Variants in THSD7B observed in about 807,000 individuals in gnomAD.
The protein encoded by THSD7B is thrombospondin type 1 domain containing 7B.
In THSD7B, 138 loss-of-function variants were observed where a neutral mutation model predicts 213.6. The observed-to-expected ratio is 0.65, with a 90% CI of 0.56 to 0.74. The LOEUF is 0.74. Ranked by LOEUF, THSD7B falls within the 30% of genes least tolerant of loss-of-function variation. The pLI is 0.00. For missense variants in THSD7B, 1,931 were observed against 1,991.5 expected (o/e 0.97, Z 0.58); for synonymous variants, 742 against 687.0 (o/e 1.08, Z -1.25).
chr2:137,136,582 G>A (rs1044501138), intron 5 of THSD7B, among the ~76,000 whole-genome samples: 6 of 152,188 alleles, frequency 3.9e-5, no homozygotes, highest in African/African-American at 4.8e-5. Context: ...TATGAAAGGC[G>A]TAAAGTTAAG....
At chr2:137,213,567 T>G (rs1243891335) in intron 7 of THSD7B, among the ~76,000 whole-genome samples, 1 of 150,606 alleles carries the variant, frequency 6.6e-6, no homozygotes, top group Non-Finnish European at 1.5e-5. Context: ...ATGTGGATAA[T>G]CATATATAAT....
intron 1 of THSD7B, among the ~76,000 whole-genome samples, chr2:136,838,591 T>C (rs535429933): frequency 1.2e-4 from 19 of 152,302 alleles, no homozygotes; most frequent in East Asian, 1.9e-4. Context: ...TTTTCGCTTT[T>C]ACATATTCAG....
chr2:136,828,197 C>T (rs1028630615), intron 1 of THSD7B, among the ~76,000 whole-genome samples: 2 of 152,152 alleles, frequency 1.3e-5, no homozygotes, highest in East Asian at 3.9e-4. Flanking sequence ...AAAGCCCCAT[C>T]TTAACCTCTC....
At chr2:137,009,826 A>G (rs1686193399) in intron 2 of THSD7B, among the ~76,000 whole-genome samples, 1 of 152,224 alleles carries the variant, frequency 6.6e-6, no homozygotes, top group Non-Finnish European at 1.5e-5. Context: ...ACCATATCAC[A>G]TGTCAATCAA....
chr2:137,549,086 G>A (rs1159920674), intron 15 of THSD7B, among the ~76,000 whole-genome samples: 2 of 151,818 alleles, frequency 1.3e-5, no homozygotes, highest in East Asian at 3.9e-4. Context: ...TATTTCTTAG[G>A]TCACAAAAAG....
chr2:137,202,115 C>T (rs1273244182), intron 7 of THSD7B, among the ~76,000 whole-genome samples: 1 of 152,048 alleles, frequency 6.6e-6, no homozygotes, highest in Non-Finnish European at 1.5e-5. Context: ...ATTCTTTGTT[C>T]CCATGTAGTA....
chr2:137,487,053 A>T (rs1170765077), intron 15 of THSD7B, among the ~76,000 whole-genome samples: 1 of 150,756 alleles, frequency 6.6e-6, no homozygotes, highest in Non-Finnish European at 1.5e-5. Flanking sequence ...AAAGATCCAA[A>T]ATTGACACCC....
chr2:137,160,623 T>A (rs920078309), intron 6 of THSD7B, among the ~76,000 whole-genome samples: 2 of 152,140 alleles, frequency 1.3e-5, no homozygotes, highest in African/African-American at 4.8e-5. Flanking sequence ...ATCTTTTGTT[T>A]TGTTTTGTTT....
chr2:137,089,352 A>G (rs914694664), intron 3 of THSD7B, among the ~76,000 whole-genome samples: 6 of 147,262 alleles, frequency 4.1e-5, no homozygotes, highest in African/African-American at 1.5e-4. Flanking sequence ...ATATACATAT[A>G]TGTGTGTGTA....
chr2:136,872,439 G>A (rs557878336), intron 1 of THSD7B, among the ~76,000 whole-genome samples: 177 of 152,174 alleles, frequency 1.2e-3, no homozygotes, highest in African/African-American at 4.1e-3. Context: ...CCATACCCTT[G>A]ATACTTCTGC....
intron 15 of THSD7B, among the ~76,000 whole-genome samples, chr2:137,516,569 T>C (rs1402660334): frequency 6.6e-6 from 1 of 152,302 alleles, no homozygotes; most frequent in Non-Finnish European, 1.5e-5. Flanking sequence ...CAAAACGTCG[T>C]TGTGGTTCTC....
At chr2:137,248,246 T>A (rs1682087077) in intron 10 of THSD7B, among the ~76,000 whole-genome samples, 1 of 152,148 alleles carries the variant, frequency 6.6e-6, no homozygotes, top group South Asian at 2.1e-4. Context: ...TTATGTTGAG[T>A]TCCTGCAATT....
chr2:136,851,790 C>T (rs1683102509), intron 1 of THSD7B, among the ~76,000 whole-genome samples: 1 of 152,010 alleles, frequency 6.6e-6, no homozygotes, highest in Non-Finnish European at 1.5e-5. Context: ...TTCATATTGG[C>T]TAAGCTCCAA....
intron 7 of THSD7B, among the ~76,000 whole-genome samples, chr2:137,210,902 A>G (rs1028385404): frequency 9.2e-5 from 14 of 152,000 alleles, no homozygotes; most frequent in Admixed American, 6.6e-5. Flanking sequence ...CTCCTTATCT[A>G]TCTTTCATTT....
chr2:136,921,124 C>A (rs1684430880), intron 2 of THSD7B, among the ~76,000 whole-genome samples: 1 of 151,592 alleles, frequency 6.6e-6, no homozygotes, highest in South Asian at 2.1e-4. Context: ...ACCAGCTCTG[C>A]CTAGTGCGCA....
chr2:137,319,472 ATTG>A (rs1329670799), intron 12 of THSD7B, among the ~76,000 whole-genome samples: 3 of 152,128 alleles, frequency 2.0e-5, no homozygotes, highest in African/African-American at 4.8e-5. Flanking sequence ...TTCAATGAAT[ATTG>A]TTGTGATATT....
At chr2:137,638,771 G>A (rs1187903264) in intron 20 of THSD7B, among the ~76,000 whole-genome samples, 2 of 152,186 alleles carry the variant, frequency 1.3e-5, no homozygotes, top group Non-Finnish European at 2.9e-5. Context: ...CTGGAGGAAA[G>A]GTGACTCTTG....
At chr2:137,125,198 A>T (rs1170771559) in intron 5 of THSD7B, among the ~76,000 whole-genome samples, 1 of 151,866 alleles carries the variant, frequency 6.6e-6, no homozygotes, top group Non-Finnish European at 1.5e-5. Flanking sequence ...GTTTCAATTG[A>T]CTCTTCCTTA....
intron 20 of THSD7B, among the ~76,000 whole-genome samples, chr2:137,634,488 T>G (rs956360273): frequency 5.9e-5 from 9 of 152,314 alleles, no homozygotes; most frequent in Non-Finnish European, 5.9e-5. Context: ...GGAACCTTCT[T>G]CGACAATCTC....
Sources: gnomAD v4.1 joint callset for allele counts (sites outside exome capture counted in the v4.1 genomes callset) on GRCh38, gnomAD v4.1.1 for gene constraint, MANE v1.5 for transcripts, NCBI Gene and HGNC (gene_info 2026-07-23, HGNC 2026-07-21) for gene names.